EPHA3: variants seen among roughly 807,000 people sequenced by gnomAD.
EPHA3 encodes ephrin type-A receptor 3.
Under a neutral mutation model 107.1 loss-of-function variants are expected in EPHA3, and 42 were observed. The observed-to-expected ratio is 0.39, with a 90% CI of 0.31 to 0.51. EPHA3 has a LOEUF of 0.51. EPHA3 is among the 20% of genes least tolerant of loss of function. EPHA3 has a pLI of 0.78. For synonymous variants in EPHA3, 461 were observed against 424.8 expected, an observed-to-expected ratio of 1.09 and a Z score of -1.05; for missense variants, 1,183 against 1,211.2, an observed-to-expected ratio of 0.98 and a Z score of 0.35.
Position 89,479,487 on chromosome 3 carries a change from C to A in EPHA3, c.2937C>A (p.Gly979=). ...IKALETQSKN[G]PVPV The stretch of plus-strand genomic sequence containing the variant: ...CTCTAGAAACGCAATCAAAGAATGG[C>A]CCAGTTCCCGTGTAAAGCACGGGAC... The change falls in exon 17 of 17, where the codon GGC becomes GGA. Residue 979 remains glycine (G), a synonymous_variant. Transcript: ENST00000336596. 6.2e-7 allele frequency: 1 copy of A among 1,613,830 alleles called. No individual in the cohort carries two copies.
intron 3 of EPHA3, among the ~76,000 whole-genome samples, chr3:89,295,417 A>G (rs937893442): frequency 5.9e-5 from 9 of 152,004 alleles, no homozygotes; most frequent in African/African-American, 1.9e-4. Context: ...TCAAAAGACA[A>G]TAAGGTTCAC....
chr3:89,182,419 G>C (rs1383204145), intron 2 of EPHA3, among the ~76,000 whole-genome samples: 1 of 151,836 alleles, frequency 6.6e-6, no homozygotes, highest in Non-Finnish European at 1.5e-5. Flanking sequence ...AAAAATAAGA[G>C]GTAGGAATGC....
At chr3:89,169,923 C>T (rs148991632) in intron 2 of EPHA3, among the ~76,000 whole-genome samples, 81 of 152,204 alleles carry the variant, frequency 5.3e-4, no homozygotes, top group African/African-American at 1.9e-3. Flanking sequence ...GCCAGATGAA[C>T]GGCTCTGAAA....
chr3:89,283,588 C>T (rs1160794679), intron 3 of EPHA3, among the ~76,000 whole-genome samples: 6 of 152,148 alleles, frequency 3.9e-5, no homozygotes, highest in Non-Finnish European at 8.8e-5. Flanking sequence ...TATGCATTGC[C>T]ACATAGTGAA....
rs149871669 is a variant in EPHA3, at chr3:89,325,383, C to T, written c.815-15533C>T. ...CTTGACTCAGTTTAATACATTTTCC[C>T]GATAGAAGCAAGCATAATCTCTTTG... is the stretch of plus-strand genomic sequence containing the variant. On this transcript the variant is annotated intron_variant, in intron 3 of 16. Coordinates refer to ENST00000336596, the MANE Select transcript of EPHA3 (RefSeq NM_005233.6). Among the ~76,000 whole-genome samples, 359 of 152,194 alleles carry T rather than the reference C, an allele frequency of 2.4e-3. No homozygotes were observed. The South Asian group carries it at 0.025, about 11-fold the overall frequency.
At chr3:89,258,175 G>C (rs1351448831) in intron 3 of EPHA3, among the ~76,000 whole-genome samples, 1 of 152,116 alleles carries the variant, frequency 6.6e-6, no homozygotes. Flanking sequence ...AATCCATCCA[G>C]ATTGTAGGAC....
At chr3:89,419,454 C>T in intron 11 of EPHA3, 64 bp downstream of exon 11, 2 of 1,401,794 alleles carry the variant, frequency 1.4e-6, no homozygotes, top group East Asian at 2.4e-5. Context: ...TAAACCCAAC[C>T]CCAACCATTT....
At chr3:89,260,249 C>A (rs569966527) in intron 3 of EPHA3, among the ~76,000 whole-genome samples, 63 of 152,310 alleles carry the variant, frequency 4.1e-4, no homozygotes, top group African/African-American at 1.4e-3. Flanking sequence ...TTCTGTGGAA[C>A]CTCCATGCTC....
At chr3:89,118,313 A>G (rs1707302077) in intron 1 of EPHA3, among the ~76,000 whole-genome samples, 1 of 151,972 alleles carries the variant, frequency 6.6e-6, no homozygotes, top group South Asian at 2.1e-4. Context: ...CTATATTTTC[A>G]GATACAAGTG....
intron 3 of EPHA3, among the ~76,000 whole-genome samples, chr3:89,212,232 T>C: frequency 6.6e-6 from 1 of 152,176 alleles, no homozygotes; most frequent in Middle Eastern, 3.4e-3. Context: ...GATACTGTAA[T>C]ATATTTTCTT....
At chr3:89,131,357 CA>C (rs2106987124) in intron 2 of EPHA3, among the ~76,000 whole-genome samples, 1 of 152,262 alleles carries the variant, frequency 6.6e-6, no homozygotes, top group Non-Finnish European at 1.5e-5. Context: ...GAACAATCAA[CA>C]CATATCAAAG....
chr3:89,419,149 G>A, intron 10 of EPHA3, 56 bp from the exon 11 acceptor site: 5 of 1,496,592 alleles, frequency 3.3e-6, no homozygotes, highest in Non-Finnish European at 4.5e-6. Flanking sequence ...GCTCTCTACT[G>A]ATGAATTTTT....
intron 3 of EPHA3, among the ~76,000 whole-genome samples, chr3:89,281,844 G>T (rs73846119): frequency 6.6e-6 from 1 of 152,042 alleles, no homozygotes; most frequent in African/African-American, 2.4e-5. Context: ...GATTTTATGC[G>T]CACTGTAAAA....
intron 2 of EPHA3, among the ~76,000 whole-genome samples, chr3:89,133,133 A>G (rs1225789261): frequency 2.0e-5 from 3 of 152,332 alleles, no homozygotes; most frequent in Admixed American, 6.5e-5. Flanking sequence ...AAATTCATTT[A>G]CATGTCTCCT....
intron 3 of EPHA3, among the ~76,000 whole-genome samples, chr3:89,280,025 CTGTGTG>C (rs59488710): frequency 0.017 from 2,462 of 144,752 alleles, 29 homozygotes; most frequent in African/African-American, 0.036. Context: ...TTGTGTGCAC[CTGTGTG>C]TGTGTGTGTG....
At chr3:89,211,183 A>G (rs1388582751) in intron 3 of EPHA3, among the ~76,000 whole-genome samples, 1 of 152,106 alleles carries the variant, frequency 6.6e-6, no homozygotes, top group Non-Finnish European at 1.5e-5. Flanking sequence ...TTGAATGCAT[A>G]TTTGATATTA....
At chr3:89,323,253 T>C (rs1033096492) in intron 3 of EPHA3, among the ~76,000 whole-genome samples, 3 of 152,144 alleles carry the variant, frequency 2.0e-5, no homozygotes, top group African/African-American at 7.2e-5. Flanking sequence ...TATGCTAATG[T>C]GTATTAGAGA....
At chr3:89,247,271 A>C (rs541960676) in intron 3 of EPHA3, among the ~76,000 whole-genome samples, 1 of 152,316 alleles carries the variant, frequency 6.6e-6, no homozygotes, top group South Asian at 2.1e-4. Context: ...ATGGGGAATA[A>C]TTCTAAAAAG....
At position 89,367,771 on chromosome 3, in the gene EPHA3, ATT is replaced by A. The variant is rs58625894; in HGVS notation, c.1306+25686_1306+25687del. ...ATTATTCTATATGCATGTGTTTAAA[ATT>A]TTTTAATTCTGCAAGACTCAGACTA... is the stretch of plus-strand genomic sequence containing the variant. On this transcript the variant is annotated intron_variant, in intron 5 of 16. Transcript: ENST00000336596. 4.0e-5 allele frequency among the ~76,000 whole-genome samples: 6 copies of A among 150,552 alleles called. No individual in the cohort carries two copies. In the Admixed American group the frequency reaches 4.0e-4, roughly 10 times the overall value.
Sources: allele counts gnomAD v4.1 joint callset (sites outside exome capture counted in the v4.1 genomes callset), GRCh38; gene constraint gnomAD v4.1.1; transcripts MANE v1.5; gene names NCBI Gene and HGNC (gene_info 2026-07-23, HGNC 2026-07-21).